The following VARS2 variants were observed in gnomAD, a reference collection of about 807,000 sequenced individuals.
VARS2 encodes the protein valine--tRNA ligase, mitochondrial.
VARS2 carries 105 observed loss-of-function variants against 154.1 expected under a neutral mutation model. That is an observed-to-expected ratio of 0.68 (90% CI 0.58 to 0.80). The LOEUF is 0.80. VARS2 is among the 30% of genes least tolerant of loss of function. The probability of loss-of-function intolerance (pLI) is 0.00; values close to 1 mark genes in which losing one functional copy is unlikely to be tolerated. For synonymous variants in VARS2, 483 were observed against 539.5 expected, an observed-to-expected ratio of 0.90 and a Z score of 1.45; for missense variants, 1,157 against 1,361.4, an observed-to-expected ratio of 0.85 and a Z score of 2.36.
intron 23 of VARS2, 24 bp from the exon 24 acceptor site, chr6:30,923,080 A>G (rs1463630720): frequency 6.2e-7 from 1 of 1,612,366 alleles, no homozygotes; most frequent in Middle Eastern, 1.7e-4. Flanking sequence ...CTACATGCAG[A>G]CTACCTCGAT....
chr6:30,920,437 G>T lies in VARS2; in HGVS notation c.1397+1G>T, dbSNP rs778299461. ...ACCCCATGGTACTGCCCATCTGCAG[G>T]TAACCTCATTTTAACTCCTTTACTA... On this transcript the variant is annotated splice_donor_variant, in intron 14 of 29. Transcript: ENST00000676266. LOFTEE classifies it high-confidence loss of function. This position sits in a 1 kb window ranked among gnomAD's most constrained non-coding sequence, Gnocchi z 4.6. The T allele has an allele frequency of 6.2e-7, 1 of 1,601,906 alleles. No homozygotes were observed. The highest frequency in any genetic ancestry group is 8.5e-7 in the Non-Finnish European group (1 of 1,175,734).
rs1582166392 is a variant in VARS2, at chr6:30,914,320, C to T, written c.-52C>T. 1.1e-5 allele frequency: 13 copies of T among 1,180,754 alleles called. No individual in the cohort carries two copies. Among genetic ancestry groups the T allele is most frequent in the East Asian group, 6.4e-5 (2 of 31,300 alleles). The allele number at this position is 1,180,754 out of a possible 1,614,324, so 73.1% of individuals were successfully genotyped here. On this transcript the variant is annotated 5_prime_UTR_variant, in exon 1 of 30. Coordinates refer to ENST00000676266, the MANE Select transcript of VARS2 (RefSeq NM_020442.6). ...CTCAGTCCCTGCCGCCGCGGGGCGC[C>T]CTGGGATAGCGGCGGGGCCTCCTGG... is the stretch of plus-strand genomic sequence containing the variant.
At position 30,917,288 on chromosome 6, in the gene VARS2, G is replaced by A. The variant is rs1260626154; in HGVS notation, c.873+64G>A. On this transcript the variant is annotated intron_variant, in intron 9 of 29. Coordinates refer to ENST00000676266, the MANE Select transcript of VARS2 (RefSeq NM_020442.6). The surrounding 1 kb of genome is among the most constrained non-coding windows in gnomAD (Gnocchi z 4.4). ...GAGGCAGAGTGGTCAATGATTAAGAGCTCAGACTCTGGAGCCAGGGTGCCT... is the reference window on the plus strand; with the variant it reads ...GAGGCAGAGTGGTCAATGATTAAGAACTCAGACTCTGGAGCCAGGGTGCCT... 6.2e-7 allele frequency: 1 copy of A among 1,610,580 alleles called. No homozygotes were observed. Among genetic ancestry groups the A allele is most frequent in the Non-Finnish European group, 8.5e-7 (1 of 1,177,876 alleles).
chr6:30,915,423 G>A lies in VARS2; in HGVS notation c.352G>A (p.Val118Ile). Residue 118 changes from valine (V) to isoleucine (I), a missense_variant, in exon 4 of 30, where the codon GTA becomes ATA. Physicochemically the swap from Val to Ile is conservative, Grantham distance 29. Coordinates refer to ENST00000676266, the MANE Select transcript of VARS2 (RefSeq NM_020442.6). ...TGAGGCTGCCTGGTACCCGTGGTGG[G>A]TACGAGAGGGCTTCTTCAAACCAGA... The part of the protein sequence containing the change: ...YVEAAWYPWW[V>I]REGFFKPEYQ... 6.2e-7 allele frequency: 1 copy of A among 1,614,184 alleles called. No homozygotes were observed. Among genetic ancestry groups the A allele is most frequent in the Non-Finnish European group, 8.5e-7 (1 of 1,180,038 alleles).
rs1274686234 is a variant in VARS2, at chr6:30,914,991, G to A, written c.155G>A (p.Arg52Gln). Residue 52 changes from arginine to glutamine, a missense_variant, in exon 2 of 30, where the codon CGA (arginine) becomes CAA (glutamine). By Grantham distance (43) the Arg-to-Gln change is conservative. Coordinates refer to ENST00000676266, the MANE Select transcript of VARS2 (RefSeq NM_020442.6). ...RNREAKQKRLREKQATLEAEI... is the reference protein window; with the variant it reads ...RNREAKQKRLQEKQATLEAEI... ...CGTGAAGCCAAACAGAAGCGCCTGC[G>A]AGAGAAGCAGGCGACTCTGGAGGCT... The A allele has an allele frequency of 1.2e-6, 2 of 1,613,228 alleles. No individual in the cohort carries two copies. Among genetic ancestry groups the A allele is most frequent in the Non-Finnish European group, 1.7e-6 (2 of 1,180,036 alleles).
Position 30,916,243 on chromosome 6 carries a change from A to G in VARS2, c.665A>G (p.Lys222Arg). The G allele has an allele frequency of 6.2e-7, 1 of 1,612,496 alleles. No homozygotes were observed. Among genetic ancestry groups the G allele is most frequent in the Non-Finnish European group, 8.5e-7 (1 of 1,179,100 alleles). Residue 222 changes from lysine to arginine, a missense_variant, in exon 7 of 30, where the codon AAG becomes AGG. By Grantham distance (26) the Lys-to-Arg change is conservative. Coordinates refer to ENST00000676266, the MANE Select transcript of VARS2 (RefSeq NM_020442.6). This position sits in a 1 kb window ranked among gnomAD's most constrained non-coding sequence, Gnocchi z 4.0. ...EAFLREVWQW[K>R]EAKGGEICEQ... ...TTCCTTAGGGAGGTGTGGCAGTGGA[A>G]GGAGGCGTGAGTATGATGGGCAGGA...
Position 30,914,251 on chromosome 6 carries a change from G to T in VARS2, c.-121G>T, listed in dbSNP as rs1793984091. 6 of 762,788 alleles carry T rather than the reference G, an allele frequency of 7.9e-6. No homozygotes were observed. The highest frequency in any genetic ancestry group is 1.1e-5 in the Non-Finnish European group (6 of 557,934). 47.3% of individuals were successfully genotyped at this position (762,788 alleles called of 1,614,324 possible). On this transcript the variant is annotated 5_prime_UTR_variant, in exon 1 of 30. Transcript: ENST00000676266. ...GGCCGGGGCCCCGCCCCCATGCGCC[G>T]CGCGGCTCCAGGGCCACGTTCCAGG... is the stretch of plus-strand genomic sequence containing the variant.
chr6:30,916,497 T>TATATA lies in VARS2; in HGVS notation c.671+248_671+249insATATA. 1.3e-5 allele frequency: 4 copies of TATATA among 318,686 alleles called. No homozygotes were observed. Among genetic ancestry groups the TATATA allele is most frequent in the East Asian group, 6.3e-5 (1 of 15,910 alleles). The allele number at this position is 318,686 out of a possible 1,614,324, so 19.7% of individuals were successfully genotyped here. ...GTGTGTATTTATATATATATATATA[T>TATATA]TTTCTTTCTCTTTACTTACCCCAAT... On this transcript the variant is annotated intron_variant, in intron 7 of 29. Transcript: ENST00000676266. This position sits in a 1 kb window ranked among gnomAD's most constrained non-coding sequence, Gnocchi z 4.0.
Position 30,921,522 on chromosome 6 carries a change from A to G in VARS2, c.1633-67A>G. ...TCTAAGACCACATGAGGACGTGAAA[A>G]CCAAGTGACATTTACACCTGTCAGC... is the stretch of plus-strand genomic sequence containing the variant. On this transcript the variant is annotated intron_variant, in intron 17 of 29. Coordinates refer to ENST00000676266, the MANE Select transcript of VARS2 (RefSeq NM_020442.6). This position sits in a 1 kb window ranked among gnomAD's most constrained non-coding sequence, Gnocchi z 4.6. The G allele has an allele frequency of 2.6e-6, 4 of 1,547,408 alleles. No individual in the cohort carries two copies. The highest frequency in any genetic ancestry group is 3.5e-6 in the Non-Finnish European group (4 of 1,140,800).
chr6:30,916,497 T>TATATATA lies in VARS2; in HGVS notation c.671+248_671+249insATATATA. 2.2e-5 allele frequency: 7 copies of TATATATA among 318,688 alleles called. No individual in the cohort carries two copies. The highest frequency in any genetic ancestry group is 3.3e-5 in the Non-Finnish European group (6 of 182,344). The allele number at this position is 318,688 out of a possible 1,614,324, so 19.7% of individuals were successfully genotyped here. A position where few individuals can be genotyped will look rare whatever the true frequency, so the allele number is the denominator to read the frequency against. Reference sequence around the variant, plus strand: ...GTGTGTATTTATATATATATATATATTTTCTTTCTCTTTACTTACCCCAAT... The same window carrying TATATATA: ...GTGTGTATTTATATATATATATATATATATATATTTCTTTCTCTTTACTTACCCCAAT... On this transcript the variant is annotated intron_variant, in intron 7 of 29. Transcript: ENST00000676266. The surrounding 1 kb of genome is among the most constrained non-coding windows in gnomAD (Gnocchi z 4.0).
In VARS2 at chr6:30,923,155, G is replaced by T. The variant is rs1193920089; in HGVS notation, c.2237G>T (p.Cys746Phe). 1.9e-6 allele frequency: 3 copies of T among 1,613,108 alleles called. No individual in the cohort carries two copies. The highest frequency in any genetic ancestry group is 2.5e-6 in the Non-Finnish European group (3 of 1,180,034). Residue 746 changes from cysteine to phenylalanine, a missense_variant, in exon 24 of 30, where the codon TGC (cysteine) becomes TTC (phenylalanine). Coordinates refer to ENST00000676266, the MANE Select transcript of VARS2 (RefSeq NM_020442.6). ...GAGGTCCAGAGCTGCCGACATTTCT[G>T]CAACAAGATCTGGAATGCTCTTCGC... Reference protein sequence around the residue: ...VSEVQSCRHFCNKIWNALRFI... With the variant: ...VSEVQSCRHFFNKIWNALRFI...
At position 30,914,313 on chromosome 6, in the gene VARS2, G is replaced by T. The variant is rs1202101069; in HGVS notation, c.-59G>T. ...TGGATTCCTCAGTCCCTGCCGCCGC[G>T]GGGCGCCCTGGGATAGCGGCGGGGC... On this transcript the variant is annotated 5_prime_UTR_variant, in exon 1 of 30. Transcript: ENST00000676266. 8 of 1,148,938 alleles carry T rather than the reference G, an allele frequency of 7.0e-6. No homozygotes were observed. The highest frequency in any genetic ancestry group is 8.8e-6 in the Non-Finnish European group (8 of 909,018). The allele number at this position is 1,148,938 out of a possible 1,614,324, so 71.2% of individuals were successfully genotyped here. A position where few individuals can be genotyped will look rare whatever the true frequency, so the allele number is the denominator to read the frequency against.
At position 30,915,843 on chromosome 6, in the gene VARS2, C is replaced by T. The variant is rs369976906; in HGVS notation, c.482C>T (p.Ala161Val). 6.2e-7 allele frequency: 1 copy of T among 1,614,132 alleles called. No individual in the cohort carries two copies. The highest frequency in any genetic ancestry group is 8.5e-7 in the Non-Finnish European group (1 of 1,180,036). The change falls in exon 5 of 30, where the codon GCC becomes GTC. Residue 161 changes from alanine to valine, a missense_variant. By Grantham distance (64) the Ala-to-Val change is moderately conservative. Transcript: ENST00000676266. ...CACATTGGCCACGCACTCACGGTGG[C>T]CATACAGGATGCCCTCGTGCGCTGG... ...SLHIGHALTV[A>V]IQDALVRWHR...
rs973611851 is a variant in VARS2, at chr6:30,916,554, C to T, written c.671+305C>T. 23 of 393,624 alleles carry T rather than the reference C, an allele frequency of 5.8e-5. No individual in the cohort carries two copies. The highest frequency in any genetic ancestry group is 1.4e-4 in the African/African-American group (7 of 49,404). 24.4% of individuals were successfully genotyped at this position (393,624 alleles called of 1,614,324 possible). On this transcript the variant is annotated intron_variant, in intron 7 of 29. Transcript: ENST00000676266. The surrounding 1 kb of genome is among the most constrained non-coding windows in gnomAD (Gnocchi z 4.0). ...TGTCTAAATCTCACCTTCTTCCACTCGCCCATTCCCACCTTTCAATTCCCA... is the reference window on the plus strand; with the variant it reads ...TGTCTAAATCTCACCTTCTTCCACTTGCCCATTCCCACCTTTCAATTCCCA...
At position 30,915,185 on chromosome 6, in the gene VARS2, G is replaced by A. The variant is rs1247307993; in HGVS notation, c.231G>A (p.Arg77=). Residue 77 remains arginine, a synonymous_variant, in exon 3 of 30, where the codon AGG becomes AGA. Coordinates refer to ENST00000676266, the MANE Select transcript of VARS2 (RefSeq NM_020442.6). Reference sequence around the variant, plus strand: ...CTGCAGAATCCATTAAGGCCTGGAGGCCTAAGGAGTTAGTATTGTATGAAA... The same window carrying A: ...CTGCAGAATCCATTAAGGCCTGGAGACCTAAGGAGTTAGTATTGTATGAAA... ...KSPAESIKAW[R]PKELVLYEIP... is the part of the protein sequence containing the mutation. The A allele has an allele frequency of 2.5e-6, 4 of 1,614,216 alleles. No homozygotes were observed. Among genetic ancestry groups the A allele is most frequent in the Non-Finnish European group, 1.7e-6 (2 of 1,180,042 alleles).
Position 30,915,191 on chromosome 6 carries a change from G to A in VARS2, c.237G>A (p.Lys79=). Residue 79 remains lysine (K), a synonymous_variant, in exon 3 of 30, where the codon AAG becomes AAA. Transcript: ENST00000676266. The part of the protein sequence containing the change: ...PAESIKAWRP[K]ELVLYEIPTK... Reference sequence around the variant, plus strand: ...AATCCATTAAGGCCTGGAGGCCTAAGGAGTTAGTATTGTATGAAATCCCTA... The same window carrying A: ...AATCCATTAAGGCCTGGAGGCCTAAAGAGTTAGTATTGTATGAAATCCCTA... 1 of 1,614,234 alleles carries A rather than the reference G, an allele frequency of 6.2e-7. No individual in the cohort carries two copies. Among genetic ancestry groups the A allele is most frequent in the East Asian group, 2.2e-5 (1 of 44,892 alleles).
chr6:30,922,058 C>T, intron 19 of VARS2, 58 bp from the exon 20 acceptor site: 1 of 1,612,306 alleles, frequency 6.2e-7, no homozygotes, highest in Non-Finnish European at 8.5e-7. Context: ...GCTGGGCCCC[C>T]ACAGAGGCTT....
Position 30,921,847 on chromosome 6 carries a change from C to T in VARS2, c.1736-78C>T, listed in dbSNP as rs1471452021. The T allele has an allele frequency of 5.7e-6, 9 of 1,592,150 alleles. No individual in the cohort carries two copies. Among genetic ancestry groups the T allele is most frequent in the Non-Finnish European group, 6.9e-6 (8 of 1,162,858 alleles). On this transcript the variant is annotated intron_variant, in intron 18 of 29. Transcript: ENST00000676266. The surrounding 1 kb of genome is among the most constrained non-coding windows in gnomAD (Gnocchi z 4.6). The stretch of plus-strand genomic sequence containing the variant: ...CCTGGTCTCTGGGGGTGGGGGTTGG[C>T]CTAGAATGGTGGCAGCAGTGGTCTG...
In VARS2 at chr6:30,916,925, TG is replaced by T. The variant is rs748845137; in HGVS notation, c.721del (p.Asp241ThrfsTer17). 3 of 1,614,230 alleles carry T rather than the reference TG, an allele frequency of 1.9e-6. No homozygotes were observed. The South Asian group carries it at 3.3e-5, about 18-fold the overall frequency. ...CEQLRALGAS[L>X]DWDRECFTMD... Reference sequence around the variant, plus strand: ...CAGCTGCGAGCTCTGGGTGCCTCCCTGGACTGGGATCGAGAGTGTTTTACCA... The same window carrying T: ...CAGCTGCGAGCTCTGGGTGCCTCCCTGACTGGGATCGAGAGTGTTTTACCA... On this transcript the variant is annotated frameshift_variant, in exon 8 of 30. Transcript: ENST00000676266. LOFTEE classifies it high-confidence loss of function. This position sits in a 1 kb window ranked among gnomAD's most constrained non-coding sequence, Gnocchi z 4.0.
Sources: allele counts gnomAD v4.1 joint callset, GRCh38; gene constraint gnomAD v4.1.1; non-coding constraint Gnocchi (gnomAD v3.1); transcripts MANE v1.5; gene names NCBI Gene and HGNC (gene_info 2026-07-23, HGNC 2026-07-21).